Variants in MRPL16 observed in about 807,000 individuals in gnomAD.
MRPL16 encodes large ribosomal subunit protein uL16m.
A neutral mutation model predicts 22.7 loss-of-function variants in MRPL16; 17 were observed. The ratio of observed to expected loss-of-function variants is 0.75; its 90% CI spans 0.51 to 1.12. The LOEUF is 1.12. MRPL16 is among the 50% of genes most tolerant of loss of function. The probability of loss-of-function intolerance (pLI) is 0.00; values close to 1 mark genes in which losing one functional copy is unlikely to be tolerated. For synonymous variants in MRPL16, 103 were observed against 112.8 expected (o/e 0.91, Z 0.55); for missense variants, 316 against 328.7 (o/e 0.96, Z 0.30).
At chr11:59,810,131 G>GACTAGCTGGGATT in intron 1 of MRPL16, 2 of 627,956 alleles carry the variant, frequency 3.2e-6, no homozygotes, top group Non-Finnish European at 4.9e-6. Context: ...TCAGCCTCCG[G>GACTAGCTGGGATT]ACTAGCTGGG....
At chr11:59,810,087 C>T (rs1866157835) in intron 1 of MRPL16, 167 bp from the exon 2 acceptor site, 2 of 639,276 alleles carry the variant, frequency 3.1e-6, no homozygotes, top group South Asian at 4.7e-5. Context: ...CTCACTGCAA[C>T]CTCCGCCTCC....
At chr11:59,808,802 C>T (rs1159891860) in intron 2 of MRPL16, 1 of 152,230 alleles carries the variant, frequency 6.6e-6, no homozygotes, top group African/African-American at 2.4e-5. Flanking sequence ...GAGACCTGCA[C>T]AGGTCAGTGT....
rs915077485 is a variant in MRPL16, at chr11:59,806,194, C to T, written c.*153G>A. The T allele has an allele frequency of 3.7e-6, 3 of 821,218 alleles. No individual in the cohort carries two copies. The highest frequency in any genetic ancestry group is 5.6e-6 in the Non-Finnish European group (3 of 532,614). 50.9% of individuals were successfully genotyped at this position (821,218 alleles called of 1,614,324 possible). ...TAAAAATACAGTTTTCTTTTTAAAT[C>T]AACAAATAACATTGTTTTTCAGAAA... On this transcript the variant is annotated 3_prime_UTR_variant, in exon 4 of 4. Transcript: ENST00000300151.
intron 3 of MRPL16, 74 bp from the exon 4 acceptor site, chr11:59,806,906 C>T: frequency 6.6e-7 from 1 of 1,522,490 alleles, no homozygotes; most frequent in Non-Finnish European, 8.8e-7. Flanking sequence ...TTTGTCTCTT[C>T]TAGTAACTGT....
rs183727108 is a variant in MRPL16, at chr11:59,810,729, G to A, written c.-71C>T. 2.0e-4 allele frequency: 314 copies of A among 1,570,866 alleles called. 4 individuals carry two copies. In the Admixed American group the frequency reaches 5.1e-3, roughly 26 times the overall value. On this transcript the variant is annotated 5_prime_UTR_variant, in exon 1 of 4. Coordinates refer to ENST00000300151, the MANE Select transcript of MRPL16 (RefSeq NM_017840.4). ...TGTCTCCTGCACCCAGGTAAGCAGCGGCGCTCCACTACCTAGCTGTAATCG... is the reference window on the plus strand; with the variant it reads ...TGTCTCCTGCACCCAGGTAAGCAGCAGCGCTCCACTACCTAGCTGTAATCG...
Position 59,809,847 on chromosome 11 carries a change from G to T in MRPL16, c.121+8C>A, listed in dbSNP as rs368270554. 8.7e-6 allele frequency: 14 copies of T among 1,610,064 alleles called. 1 individual carries two copies. Among genetic ancestry groups the T allele is most frequent in the African/African-American group, 8.0e-5 (6 of 74,906 alleles). Reference sequence around the variant, plus strand: ...AGATTTACGAACAGGAGAAAGACAAGCTCTCACCTTCAAAACTTGGTACTG... The same window carrying T: ...AGATTTACGAACAGGAGAAAGACAATCTCTCACCTTCAAAACTTGGTACTG... On this transcript the variant is annotated splice_region_variant and intron_variant, in intron 2 of 3. Coordinates refer to ENST00000300151, the MANE Select transcript of MRPL16 (RefSeq NM_017840.4).
In MRPL16 at chr11:59,806,569, C is replaced by T. The variant is rs1461279331; in HGVS notation, c.534G>A (p.Gln178=). The T allele has an allele frequency of 6.2e-7, 1 of 1,614,142 alleles. No homozygotes were observed. The highest frequency in any genetic ancestry group is 8.5e-7 in the Non-Finnish European group (1 of 1,180,058). The change falls in exon 4 of 4, where the codon CAG becomes CAA. Residue 178 remains glutamine, a synonymous_variant. Coordinates refer to ENST00000300151, the MANE Select transcript of MRPL16 (RefSeq NM_017840.4). ...EFEEVQGFLD[Q]VAHKLPFAAK... is the part of the protein sequence containing the mutation. ...CTGCGAAGGGCAACTTGTGGGCAACCTGGTCAAGGAAACCTTGCACTTCTT... is the reference window on the plus strand; with the variant it reads ...CTGCGAAGGGCAACTTGTGGGCAACTTGGTCAAGGAAACCTTGCACTTCTT...
intron 2 of MRPL16, among the ~76,000 whole-genome samples, chr11:59,808,259 A>C (rs577980232): frequency 6.6e-6 from 1 of 152,146 alleles, no homozygotes. Flanking sequence ...TTAATCACCA[A>C]CTCTGTGCTT....
chr11:59,808,044 A>C (rs1365062483), intron 2 of MRPL16, among the ~76,000 whole-genome samples, 195 bp from the exon 3 acceptor site: 1 of 152,176 alleles, frequency 6.6e-6, no homozygotes, highest in Non-Finnish European at 1.5e-5. Context: ...TTTACCTCCC[A>C]AAGTGTTGGG....
In MRPL16 at chr11:59,810,687, C is replaced by A. The variant is rs374392603; in HGVS notation, c.-29G>T. The A allele has an allele frequency of 1.2e-6, 2 of 1,613,190 alleles. No individual in the cohort carries two copies. The highest frequency in any genetic ancestry group is 2.2e-5 in the East Asian group (1 of 44,866). On this transcript the variant is annotated 5_prime_UTR_variant, in exon 1 of 4. Transcript: ENST00000300151. The stretch of plus-strand genomic sequence containing the variant: ...CACGGGCGTCCGGCGGCGCGGAGCT[C>A]CCCCAGCGACTCCGGCTGTCTCCTG...
Position 59,809,845 on chromosome 11 carries a change from A to G in MRPL16, c.121+10T>C. The G allele has an allele frequency of 6.2e-7, 1 of 1,609,534 alleles. No homozygotes were observed. Among genetic ancestry groups the G allele is most frequent in the Non-Finnish European group, 8.5e-7 (1 of 1,176,794 alleles). Reference sequence around the variant, plus strand: ...AAAGATTTACGAACAGGAGAAAGACAAGCTCTCACCTTCAAAACTTGGTAC... The same window carrying G: ...AAAGATTTACGAACAGGAGAAAGACGAGCTCTCACCTTCAAAACTTGGTAC... On this transcript the variant is annotated intron_variant, in intron 2 of 3. Transcript: ENST00000300151.
Position 59,810,772 on chromosome 11 carries a change from G to C in MRPL16, c.-114C>G. The C allele has an allele frequency of 1.7e-6, 2 of 1,188,340 alleles. No homozygotes were observed. Among genetic ancestry groups the C allele is most frequent in the Non-Finnish European group, 2.4e-6 (2 of 824,740 alleles). The allele number at this position is 1,188,340 out of a possible 1,614,324, so 73.6% of individuals were successfully genotyped here. On this transcript the variant is annotated 5_prime_UTR_variant, in exon 1 of 4. Transcript: ENST00000300151. ...TGTAATCGGCTCAGGACACCGCTCA[G>C]TGGGGCCGGAAGTTGTGTTCACTCG...
In MRPL16 at chr11:59,810,321, G is replaced by C. The variant is rs1866160038; in HGVS notation, c.55+283C>G. On this transcript the variant is annotated intron_variant, in intron 1 of 3. Transcript: ENST00000300151. ...ACCGCGCCCGCCCAAAAGTACTTCC[G>C]CCGGAGGAGTCTTGAGGTGTGGGAT... The C allele has an allele frequency of 6.1e-6, 8 of 1,305,196 alleles. No homozygotes were observed. In the South Asian group the frequency reaches 1.6e-4, roughly 26 times the overall value. The allele number at this position is 1,305,196 out of a possible 1,614,324, so 80.9% of individuals were successfully genotyped here. A position where few individuals can be genotyped will look rare whatever the true frequency, so the allele number is the denominator to read the frequency against.
Position 59,806,344 on chromosome 11 carries a change from T to A in MRPL16, c.*3A>T, listed in dbSNP as rs767296601. 27 of 1,613,328 alleles carry A rather than the reference T, an allele frequency of 1.7e-5. No individual in the cohort carries two copies. Among genetic ancestry groups the A allele is most frequent in the Non-Finnish European group, 2.1e-5 (25 of 1,179,458 alleles). On this transcript the variant is annotated 3_prime_UTR_variant, in exon 4 of 4. Transcript: ENST00000300151. The stretch of plus-strand genomic sequence containing the variant: ...GCCTATATACAGTTATCTCCTACAC[T>A]CACTACACACGTTTGGGCATGTAGA...
chr11:59,806,605 A>G lies in MRPL16; in HGVS notation c.498T>C (p.Arg166=). ...AGRLVVEMGG[R]CEFEEVQGFL... Reference sequence around the variant, plus strand: ...AACCTTGCACTTCTTCAAATTCACAACGCCCACCCATCTCTACAACAAGGC... The same window carrying G: ...AACCTTGCACTTCTTCAAATTCACAGCGCCCACCCATCTCTACAACAAGGC... The change falls in exon 4 of 4, where the codon CGT becomes CGC. Residue 166 remains arginine (R), a synonymous_variant. Coordinates refer to ENST00000300151, the MANE Select transcript of MRPL16 (RefSeq NM_017840.4). The G allele has an allele frequency of 1.2e-6, 2 of 1,614,024 alleles. No homozygotes were observed. Among genetic ancestry groups the G allele is most frequent in the Non-Finnish European group, 1.7e-6 (2 of 1,180,010 alleles).
chr11:59,810,497 C>G (rs191460062), intron 1 of MRPL16, 107 bp downstream of exon 1: 2 of 1,554,718 alleles, frequency 1.3e-6, no homozygotes, highest in Non-Finnish European at 1.8e-6. Flanking sequence ...CTAACCAGTG[C>G]TTCACCAAGC....
In MRPL16 at chr11:59,807,786, A is replaced by G; in HGVS notation, c.185T>C (p.Val62Ala). 1.2e-6 allele frequency: 2 copies of G among 1,613,614 alleles called. No homozygotes were observed. Among genetic ancestry groups the G allele is most frequent in the Non-Finnish European group, 1.7e-6 (2 of 1,179,736 alleles). The change falls in exon 3 of 4, where the codon GTA becomes GCA. Residue 62 changes from valine (V) to alanine (A), a missense_variant. Physicochemically the swap from Val to Ala is moderately conservative, Grantham distance 64 (BLOSUM62 0). Coordinates refer to ENST00000300151, the MANE Select transcript of MRPL16 (RefSeq NM_017840.4). ...ACTTAAATTTTTAGGTTCTCTTCTT[A>G]CTTTTGGCACAAGTGGTGCCCTTTC... ...FIERAPLVPKVRREPKNLSDI... is the reference protein window; with the variant it reads ...FIERAPLVPKARREPKNLSDI...
chr11:59,806,352 C>T lies in MRPL16; in HGVS notation c.751G>A (p.Val251Met), dbSNP rs1268442538. Residue 251 changes from valine (V) to methionine (M), a missense_variant, in exon 4 of 4, where the codon GTG (valine) becomes ATG (methionine). Physicochemically the swap from Val to Met is conservative, Grantham distance 21. Coordinates refer to ENST00000300151, the MANE Select transcript of MRPL16 (RefSeq NM_017840.4). ...YWGKFYMPKR[V>M] The stretch of plus-strand genomic sequence containing the variant: ...ACAGTTATCTCCTACACTCACTACA[C>T]ACGTTTGGGCATGTAGAACTTGCCC... 6.2e-7 allele frequency: 1 copy of T among 1,613,832 alleles called. No individual in the cohort carries two copies. Among genetic ancestry groups the T allele is most frequent in the East Asian group, 2.2e-5 (1 of 44,888 alleles).
rs960378336 is a variant in MRPL16 at position 59,806,225 on chromosome 11, T to C, written c.*122A>G. On this transcript the variant is annotated 3_prime_UTR_variant, in exon 4 of 4. Coordinates refer to ENST00000300151, the MANE Select transcript of MRPL16 (RefSeq NM_017840.4). ...ATAACATTGTTTTTCAGAAATCTAC[T>C]CAAATGCTGCTCCTTAGTTATGGCT... The C allele has an allele frequency of 4.7e-6, 5 of 1,057,638 alleles. No individual in the cohort carries two copies. The highest frequency in any genetic ancestry group is 6.8e-6 in the Non-Finnish European group (5 of 731,100). 65.5% of individuals were successfully genotyped at this position (1,057,638 alleles called of 1,614,324 possible).
Sources: gnomAD v4.1 joint callset for allele counts (sites outside exome capture counted in the v4.1 genomes callset) on GRCh38, gnomAD v4.1.1 for gene constraint, MANE v1.5 for transcripts, NCBI Gene and HGNC (gene_info 2026-07-23, HGNC 2026-07-21) for gene names.